CSMD1: variants seen among roughly 807,000 people sequenced by gnomAD.
CSMD1 encodes the protein CUB and Sushi multiple domains 1.
CSMD1 carries 213 observed loss-of-function variants against 417.5 expected under a neutral mutation model. The ratio of observed to expected loss-of-function variants is 0.51; its 90% CI spans 0.46 to 0.57. The LOEUF (loss-of-function observed/expected upper bound fraction) is 0.57. Ranked by LOEUF, CSMD1 falls within the 20% of genes least tolerant of loss-of-function variation. The probability of loss-of-function intolerance (pLI) is 0.00; values close to 1 mark genes in which losing one functional copy is unlikely to be tolerated. For missense variants in CSMD1, 6,923 were observed against 4,529.7 expected (o/e 1.53, Z -15.17); for synonymous variants, 2,862 against 1,736.8 (o/e 1.65, Z -16.11).
intron 5 of CSMD1, among the ~76,000 whole-genome samples, chr8:3,864,409 G>T (rs367932342): frequency 1.3e-5 from 2 of 152,150 alleles, no homozygotes; most frequent in Non-Finnish European, 2.9e-5. Flanking sequence ...ATGAAGGTGA[G>T]AAAAAGCATG....
chr8:4,806,441 T>C (rs539200588), intron 1 of CSMD1, among the ~76,000 whole-genome samples: 2 of 144,718 alleles, frequency 1.4e-5, no homozygotes, highest in African/African-American at 2.6e-5. Flanking sequence ...GTTAGTGCCA[T>C]CAACACCCTG....
intron 1 of CSMD1, among the ~76,000 whole-genome samples, chr8:4,753,353 G>C (rs1046698429): frequency 6.6e-6 from 1 of 151,176 alleles, no homozygotes; most frequent in African/African-American, 2.4e-5. Context: ...CTTTCATTTT[G>C]TCGATATTGT....
At chr8:4,024,191 CAGAT>C (rs1796943049) in intron 4 of CSMD1, among the ~76,000 whole-genome samples, 1 of 151,738 alleles carries the variant, frequency 6.6e-6, no homozygotes, top group Non-Finnish European at 1.5e-5. Flanking sequence ...ATAAATATAA[CAGAT>C]AGTAAGAAGA....
intron 1 of CSMD1, among the ~76,000 whole-genome samples, chr8:4,910,494 G>A (rs900916830): frequency 1.3e-5 from 2 of 152,156 alleles, no homozygotes; most frequent in Admixed American, 6.5e-5. Flanking sequence ...GTTTCTAGAA[G>A]GCACCTTCCC....
intron 26 of CSMD1, among the ~76,000 whole-genome samples, chr8:3,276,088 G>T (rs916648925): frequency 6.6e-5 from 10 of 152,230 alleles, no homozygotes; most frequent in Admixed American, 3.3e-4. Context: ...TGATGCTGTT[G>T]ATGTACAGAT....
At chr8:4,533,501 A>T (rs532676440) in intron 2 of CSMD1, among the ~76,000 whole-genome samples, 2 of 151,988 alleles carry the variant, frequency 1.3e-5, no homozygotes, top group East Asian at 1.9e-4. Flanking sequence ...TTATCAACCC[A>T]CTCTTGAAGA....
intron 1 of CSMD1, among the ~76,000 whole-genome samples, chr8:4,955,522 C>T (rs923578933): frequency 6.6e-6 from 1 of 151,702 alleles, no homozygotes; most frequent in Admixed American, 6.6e-5. Flanking sequence ...GTGGCATGAT[C>T]TCGGCACACT....
At chr8:3,751,127 A>G (rs1272754600) in intron 6 of CSMD1, among the ~76,000 whole-genome samples, 1 of 152,082 alleles carries the variant, frequency 6.6e-6, no homozygotes, top group African/African-American at 2.4e-5. Context: ...AAAAAAAGGT[A>G]ACTTCCTTGT....
At chr8:3,333,062 A>T (rs1807013270) in intron 23 of CSMD1, among the ~76,000 whole-genome samples, 1 of 152,178 alleles carries the variant, frequency 6.6e-6, no homozygotes, top group Non-Finnish European at 1.5e-5. Flanking sequence ...CTGCCCAGAG[A>T]AGACCACAGC....
chr8:4,496,063 T>C (rs1455990718), intron 2 of CSMD1, among the ~76,000 whole-genome samples: 1 of 152,190 alleles, frequency 6.6e-6, no homozygotes, highest in African/African-American at 2.4e-5. Context: ...TTTTCTTTTG[T>C]TCCACTTAAA....
intron 5 of CSMD1, among the ~76,000 whole-genome samples, chr8:3,785,445 G>A (rs1213121149): frequency 6.6e-6 from 1 of 152,202 alleles, no homozygotes; most frequent in East Asian, 1.9e-4. Flanking sequence ...GCAATGCCAA[G>A]ATCAGCAATG....
At position 4,833,692 on chromosome 8, in the gene CSMD1, A is replaced by G. The variant is rs1244550999; in HGVS notation, c.85+160640T>C. 2.0e-5 allele frequency among the ~76,000 whole-genome samples: 3 copies of G among 152,298 alleles called. No individual in the cohort carries two copies. In the East Asian group the frequency reaches 5.8e-4, roughly 29 times the overall value. On this transcript the variant is annotated intron_variant, in intron 1 of 69. Coordinates refer to ENST00000635120, the MANE Select transcript of CSMD1 (RefSeq NM_033225.6). Reference sequence around the variant, plus strand: ...TTGCCTGCACAGCAAGAGCTGGATCAATATCTAGTGGAAGGAGGGTGACTC... The same window carrying G: ...TTGCCTGCACAGCAAGAGCTGGATCGATATCTAGTGGAAGGAGGGTGACTC...
chr8:4,533,947 T>C (rs1796964822), intron 2 of CSMD1, among the ~76,000 whole-genome samples: 2 of 148,878 alleles, frequency 1.3e-5, no homozygotes, highest in Non-Finnish European at 3.0e-5. Flanking sequence ...AATATACATA[T>C]TTATATATAT....
intron 3 of CSMD1, among the ~76,000 whole-genome samples, chr8:4,071,437 G>C (rs1383924089): frequency 2.0e-5 from 3 of 151,990 alleles, no homozygotes; most frequent in African/African-American, 4.8e-5. Context: ...TTATTCATTT[G>C]ATTTTCATTT....
chr8:4,712,014 A>G lies in CSMD1; in HGVS notation c.86-74456T>C, dbSNP rs563303198. Among the ~76,000 whole-genome samples, 26 of 152,274 alleles carry G rather than the reference A, an allele frequency of 1.7e-4. No homozygotes were observed. In the South Asian group the frequency reaches 5.2e-3, roughly 30 times the overall value. On this transcript the variant is annotated intron_variant, in intron 1 of 69. Coordinates refer to ENST00000635120, the MANE Select transcript of CSMD1 (RefSeq NM_033225.6). ...GAAATATGTGGCTTCCTAAGAGTCT[A>G]CAGAGAAAATCTAGAAGAGATTTTC...
At chr8:3,242,013 T>G (rs149600075) in intron 26 of CSMD1, among the ~76,000 whole-genome samples, 19,792 of 43,234 alleles carry the variant, frequency 0.46, 5,989 homozygotes, top group Non-Finnish European at 0.59. Flanking sequence ...GCGTCTCAGG[T>G]TTGCTGCCAA....
chr8:3,187,986 G>C, intron 35 of CSMD1, 21 bp from the exon 36 acceptor site: 12 of 1,600,054 alleles, frequency 7.5e-6, no homozygotes, highest in African/African-American at 1.3e-5. Context: ...ATGACATTAA[G>C]TTAATATTTA....
At chr8:3,341,047 G>A (rs1402346341) in intron 23 of CSMD1, among the ~76,000 whole-genome samples, 1 of 152,194 alleles carries the variant, frequency 6.6e-6, no homozygotes, top group Non-Finnish European at 1.5e-5. Context: ...ATAGATTCAA[G>A]CTTTTACAAA....
intron 3 of CSMD1, among the ~76,000 whole-genome samples, chr8:4,192,261 G>T (rs1038127881): frequency 3.9e-5 from 6 of 152,162 alleles, no homozygotes; most frequent in African/African-American, 7.2e-5. Context: ...TTATAAATTA[G>T]ATGACTGTCT....
Sources: gnomAD v4.1 joint callset for allele counts (sites outside exome capture counted in the v4.1 genomes callset) on GRCh38, gnomAD v4.1.1 for gene constraint, MANE v1.5 for transcripts, NCBI Gene and HGNC (gene_info 2026-07-23, HGNC 2026-07-21) for gene names.